The following CTTNBP2 variants were observed in gnomAD, a reference collection of about 807,000 sequenced individuals.
CTTNBP2 encodes the protein cortactin binding protein 2, also known as cortactin-binding protein 2.
A neutral mutation model predicts 156.9 loss-of-function variants in CTTNBP2; 108 were observed. The observed-to-expected ratio is 0.69, with a 90% CI of 0.59 to 0.81. The LOEUF is 0.81. Ranked by LOEUF, CTTNBP2 falls within the 30% of genes least tolerant of loss-of-function variation. CTTNBP2 has a pLI of 0.00. For synonymous variants in CTTNBP2, 767 were observed against 751.8 expected (o/e 1.02, Z -0.33); for missense variants, 1,924 against 2,035.4 (o/e 0.95, Z 1.05).
intron 2 of CTTNBP2, among the ~76,000 whole-genome samples, chr7:117,838,576 T>C (rs1046707279): frequency 1.3e-5 from 2 of 152,070 alleles, no homozygotes; most frequent in African/African-American, 4.8e-5. Context: ...AAAAACTACC[T>C]CAGATATTCA....
chr7:117,847,769 T>A (rs914406473), intron 2 of CTTNBP2, among the ~76,000 whole-genome samples: 2 of 151,750 alleles, frequency 1.3e-5, no homozygotes, highest in Non-Finnish European at 2.9e-5. Flanking sequence ...TGATATGTTT[T>A]CCATGCTTTT....
intron 2 of CTTNBP2, among the ~76,000 whole-genome samples, chr7:117,821,733 C>T (rs1430841852): frequency 2.0e-5 from 3 of 152,000 alleles, no homozygotes; most frequent in Non-Finnish European, 2.9e-5. Context: ...GGACTACAGG[C>T]GCCGGCCACC....
intron 4 of CTTNBP2, among the ~76,000 whole-genome samples, chr7:117,789,809 G>C (rs1056206440): frequency 5.9e-5 from 9 of 152,188 alleles, no homozygotes; most frequent in Middle Eastern, 3.4e-3. Flanking sequence ...AGTAGCAAAA[G>C]AAGTCACCAA....
rs1319488302 is a variant in CTTNBP2, at chr7:117,718,238, C to CTCAAG, written c.4645-124_4645-120dup. ...GTTACTCTTATCCTCTTCCCTGCCC[C>CTCAAG]TCAAGTCCTGAACTGTTCACATGAA... On this transcript the variant is annotated intron_variant, in intron 21 of 22. Transcript: ENST00000160373. 13 of 634,820 alleles carry CTCAAG rather than the reference C, an allele frequency of 2.0e-5. 1 individual carries two copies. The highest frequency in any genetic ancestry group is 7.8e-5 in the South Asian group (4 of 51,126). The allele number at this position is 634,820 out of a possible 1,614,324, so 39.3% of individuals were successfully genotyped here.
chr7:117,786,264 A>G (rs1027363772), intron 4 of CTTNBP2: 3 of 273,602 alleles, frequency 1.1e-5, no homozygotes, highest in Admixed American at 5.1e-5. Flanking sequence ...TTAGGACTAC[A>G]TGTAGTGACA....
intron 7 of CTTNBP2, among the ~76,000 whole-genome samples, chr7:117,778,754 TC>T (rs1361031907): frequency 2.0e-5 from 3 of 152,188 alleles, no homozygotes; most frequent in Non-Finnish European, 2.9e-5. Flanking sequence ...CAGGCACCCA[TC>T]TTGTTTAGTT....
intron 2 of CTTNBP2, among the ~76,000 whole-genome samples, chr7:117,830,207 AG>A (rs1301680863): frequency 6.6e-6 from 1 of 152,250 alleles, no homozygotes; most frequent in African/African-American, 2.4e-5. Context: ...CTCTAAAAAT[AG>A]ATTTTTAAAA....
At chr7:117,802,964 A>G (rs1192497403) in intron 3 of CTTNBP2, among the ~76,000 whole-genome samples, 2 of 152,232 alleles carry the variant, frequency 1.3e-5, no homozygotes, top group Non-Finnish European at 2.9e-5. Flanking sequence ...CCACAGTGGA[A>G]AGCAGTTTGG....
At chr7:117,857,601 TA>T (rs1803414811) in intron 2 of CTTNBP2, among the ~76,000 whole-genome samples, 3 of 152,154 alleles carry the variant, frequency 2.0e-5, no homozygotes, top group Non-Finnish European at 4.4e-5. Flanking sequence ...CTAAATTTAA[TA>T]AAGTTCAGTG....
At chr7:117,806,721 C>A (rs1799964582) in intron 3 of CTTNBP2, among the ~76,000 whole-genome samples, 1 of 148,262 alleles carries the variant, frequency 6.7e-6, no homozygotes, top group Admixed American at 6.7e-5. Context: ...AGAGGTTTGG[C>A]TCATTTCTTT....
At chr7:117,839,532 T>C (rs1802153967) in intron 2 of CTTNBP2, among the ~76,000 whole-genome samples, 1 of 152,256 alleles carries the variant, frequency 6.6e-6, no homozygotes, top group African/African-American at 2.4e-5. Context: ...TTAGATTTAA[T>C]ATGCTAGTGG....
At chr7:117,730,455 A>G (rs908630244) in intron 16 of CTTNBP2, among the ~76,000 whole-genome samples, 1 of 152,156 alleles carries the variant, frequency 6.6e-6, no homozygotes, top group African/African-American at 2.4e-5. Context: ...GGGAACACAG[A>G]GTTTAATCTG....
At chr7:117,830,894 A>G (rs1234000513) in intron 2 of CTTNBP2, among the ~76,000 whole-genome samples, 1 of 152,238 alleles carries the variant, frequency 6.6e-6, no homozygotes, top group Non-Finnish European at 1.5e-5. Flanking sequence ...TTTGGAGATG[A>G]ATAGCCTAGA....
At chr7:117,802,435 GGCAAAAAAAAA>G (rs1799673259) in intron 3 of CTTNBP2, among the ~76,000 whole-genome samples, 1 of 119,730 alleles carries the variant, frequency 8.4e-6, no homozygotes, top group African/African-American at 3.8e-5. Flanking sequence ...CTTCAGCATT[GGCAAAAAAAAA>G]AAAAAAAAAA....
At chr7:117,820,691 C>T (rs1253998665) in intron 2 of CTTNBP2, among the ~76,000 whole-genome samples, 2 of 152,168 alleles carry the variant, frequency 1.3e-5, no homozygotes, top group African/African-American at 4.8e-5. Flanking sequence ...ACATATGTGA[C>T]TCTATTTCTG....
chr7:117,732,128 G>A (rs1458774599), intron 16 of CTTNBP2, among the ~76,000 whole-genome samples: 1 of 151,996 alleles, frequency 6.6e-6, no homozygotes, highest in Non-Finnish European at 1.5e-5. Context: ...CTAAAAGTAA[G>A]GTCTCAGATA....
intron 1 of CTTNBP2, among the ~76,000 whole-genome samples, chr7:117,863,972 T>A (rs751835616): frequency 6.6e-6 from 1 of 152,202 alleles, no homozygotes; most frequent in African/African-American, 2.4e-5. Context: ...TGCTGGTTGC[T>A]CTAAAGATTT....
rs144415644 is a variant in CTTNBP2 at position 117,864,679 on chromosome 7, T to C, written c.82-3363A>G. On this transcript the variant is annotated intron_variant, in intron 1 of 22. Transcript: ENST00000160373. ...ATGTATGAATATATATTCATATATT[T>C]ATATATATTCATATATATTCATATA... Among the ~76,000 whole-genome samples the C allele has an allele frequency of 4.7e-3, 681 of 145,758 alleles. 3 individuals are homozygous for C. The highest frequency in any genetic ancestry group is 6.7e-3 in the African/African-American group (270 of 40,140).
intron 2 of CTTNBP2, among the ~76,000 whole-genome samples, chr7:117,836,691 A>AC (rs1801968287): frequency 6.6e-6 from 1 of 152,218 alleles, no homozygotes; most frequent in South Asian, 2.1e-4. Flanking sequence ...GCTAATAAAA[A>AC]CATACCCGAC....
Sources: gnomAD v4.1 joint callset for allele counts (sites outside exome capture counted in the v4.1 genomes callset) on GRCh38, gnomAD v4.1.1 for gene constraint, MANE v1.5 for transcripts, NCBI Gene and HGNC (gene_info 2026-07-23, HGNC 2026-07-21) for gene names.